The following EVC variants were observed in gnomAD, a reference collection of about 807,000 sequenced individuals.
The protein encoded by EVC is EvC ciliary complex subunit 1, also known as evC complex member EVC.
EVC carries 116 observed loss-of-function variants against 118.9 expected under a neutral mutation model. That is an observed-to-expected ratio of 0.98 (90% confidence interval 0.84 to 1.14). The LOEUF is 1.14. Among genes scored for constraint, EVC ranks in the 50% most tolerant of loss-of-function variants. EVC has a pLI of 0.00. For synonymous variants in EVC, 619 were observed against 534.7 expected (o/e 1.16, Z -2.18); for missense variants, 1,401 against 1,246.4 (o/e 1.12, Z -1.87).
At chr4:5,817,458 G>C (rs1717889845), downstream of EVC, among the ~76,000 whole-genome samples, 1 of 152,204 alleles carries the variant, frequency 6.6e-6, no homozygotes, top group Admixed American at 6.5e-5. Flanking sequence ...TCCTCCTCTT[G>C]GGAACAGACT....
Position 5,753,920 on chromosome 4 carries a change from A to T in EVC, c.1451A>T (p.Glu484Val). 3 of 1,613,278 alleles carry T rather than the reference A, an allele frequency of 1.9e-6. No individual in the cohort carries two copies. Among genetic ancestry groups the T allele is most frequent in the Non-Finnish European group, 2.5e-6 (3 of 1,180,034 alleles). ...LAEAQPTADP[E>V]KFLEAFHEVL... ...GAGGCCCAGCCGACTGCTGACCCGGAAAAGTTTCTCGAGGTGACTCACATC... is the reference window on the plus strand; with the variant it reads ...GAGGCCCAGCCGACTGCTGACCCGGTAAAGTTTCTCGAGGTGACTCACATC... The change falls in exon 10 of 21, where the codon GAA (glutamate) becomes GTA (valine). Residue 484 changes from glutamate to valine, a missense_variant. By Grantham distance (121) the Glu-to-Val change is moderately radical. Coordinates refer to ENST00000264956, the MANE Select transcript of EVC (RefSeq NM_153717.3).
At chr4:5,786,392 T>G (rs1283074748) in intron 12 of EVC, among the ~76,000 whole-genome samples, 1 of 152,210 alleles carries the variant, frequency 6.6e-6, no homozygotes, top group Non-Finnish European at 1.5e-5. Context: ...TTTTATTTGT[T>G]TACTTTGTGA....
chr4:5,823,318 A>G, the EVC span, among the ~76,000 whole-genome samples: 1 of 152,194 alleles, frequency 6.6e-6, no homozygotes, highest in East Asian at 1.9e-4. Context: ...CTGGTAGACA[A>G]TATGTCTTCT....
rs1273923547 is a variant in EVC, at chr4:5,811,200, TAA to T, written c.*165_*166del. 1 of 643,598 alleles carries T rather than the reference TAA, an allele frequency of 1.6e-6. No individual in the cohort carries two copies. The highest frequency in any genetic ancestry group is 2.8e-5 in the East Asian group (1 of 35,988). The allele number at this position is 643,598 out of a possible 1,614,324, so 39.9% of individuals were successfully genotyped here. ...AGAATAGAAATGTGCCCTAAAAGCA[TAA>T]ATGAGTATCACCTGAGAAAATTAGG... On this transcript the variant is annotated 3_prime_UTR_variant, in exon 21 of 21. Coordinates refer to ENST00000264956, the MANE Select transcript of EVC (RefSeq NM_153717.3).
At chr4:5,805,495 T>C (rs1715722046) in intron 17 of EVC, among the ~76,000 whole-genome samples, 2 of 152,122 alleles carry the variant, frequency 1.3e-5, no homozygotes, top group African/African-American at 4.8e-5. Context: ...GCCCTAACTT[T>C]CCAGGCTCCC....
the EVC span, among the ~76,000 whole-genome samples, chr4:5,820,449 A>T: frequency 6.6e-6 from 1 of 152,204 alleles, no homozygotes; most frequent in African/African-American, 2.4e-5. Flanking sequence ...GAAGTTTAGG[A>T]GATTGGAGCT....
At chr4:5,767,983 G>C (rs922420613) in intron 11 of EVC, among the ~76,000 whole-genome samples, 6 of 152,194 alleles carry the variant, frequency 3.9e-5, no homozygotes, top group African/African-American at 1.4e-4. Context: ...CAGGCATCTT[G>C]GGAGAGTTTG....
chr4:5,778,309 A>G (rs1472211415), intron 11 of EVC, among the ~76,000 whole-genome samples: 23 of 152,016 alleles, frequency 1.5e-4, no homozygotes, highest in East Asian at 5.8e-4. Context: ...ACGTGTGCAT[A>G]TGTCTTTATA....
intron 12 of EVC, among the ~76,000 whole-genome samples, chr4:5,792,070 A>T (rs1214679410): frequency 6.6e-6 from 1 of 151,802 alleles, no homozygotes; most frequent in Non-Finnish European, 1.5e-5. Context: ...TCCAAAATGC[A>T]GGTTAGACAC....
chr4:5,822,136 A>C, the EVC span, among the ~76,000 whole-genome samples: 2 of 152,146 alleles, frequency 1.3e-5, no homozygotes, highest in Admixed American at 1.3e-4. Context: ...GTGATCAAAC[A>C]CTTACTGAGT....
chr4:5,751,203 G>A (rs1431154384), intron 8 of EVC, among the ~76,000 whole-genome samples: 1 of 152,222 alleles, frequency 6.6e-6, no homozygotes, highest in Non-Finnish European at 1.5e-5. Flanking sequence ...TGTGTGGCAA[G>A]GGTCAGGTGA....
Position 5,738,950 on chromosome 4 carries a change from G to T in EVC, c.703-2766G>T, listed in dbSNP as rs73200150. On this transcript the variant is annotated intron_variant, in intron 5 of 20. Coordinates refer to ENST00000264956, the MANE Select transcript of EVC (RefSeq NM_153717.3). The surrounding 1 kb of genome is among the most constrained non-coding windows in gnomAD (Gnocchi z 6.5). ...GAAGTTATTTTTAAAATTAAGGTAT[G>T]TACTTTTTTAGACATACTGCTATTG... Among the ~76,000 whole-genome samples, 21,019 of 152,084 alleles carry T rather than the reference G, an allele frequency of 0.14. 1,961 individuals carry two copies. The highest frequency in any genetic ancestry group is 0.2 in the Non-Finnish European group (13,751 of 67,978).
At chr4:5,720,942 A>G (rs933098915) in intron 2 of EVC, among the ~76,000 whole-genome samples, 1 of 152,102 alleles carries the variant, frequency 6.6e-6, no homozygotes, top group Non-Finnish European at 1.5e-5. Context: ...TTGAGCCCCT[A>G]TTTGAATGTG....
chr4:5,811,190 C>A lies in EVC; in HGVS notation c.*153C>A. On this transcript the variant is annotated 3_prime_UTR_variant, in exon 21 of 21. Coordinates refer to ENST00000264956, the MANE Select transcript of EVC (RefSeq NM_153717.3). ...GGACAGAGAAAGAATAGAAATGTGC[C>A]CTAAAAGCATAAATGAGTATCACCT... 1 of 675,202 alleles carries A rather than the reference C, an allele frequency of 1.5e-6. No individual in the cohort carries two copies. The allele number at this position is 675,202 out of a possible 1,614,324, so 41.8% of individuals were successfully genotyped here. A position where few individuals can be genotyped will look rare whatever the true frequency, so the allele number is the denominator to read the frequency against.
the EVC span, among the ~76,000 whole-genome samples, chr4:5,819,729 A>T: frequency 6.6e-6 from 1 of 152,192 alleles, no homozygotes; most frequent in African/African-American, 2.4e-5. Flanking sequence ...TCCCTTTAAT[A>T]GTCCAAATGG....
At chr4:5,761,172 G>A (rs902470534) in intron 11 of EVC, among the ~76,000 whole-genome samples, 4 of 152,060 alleles carry the variant, frequency 2.6e-5, no homozygotes, top group African/African-American at 7.3e-5. Flanking sequence ...TTACTTTAAA[G>A]GCTGGGTGTG....
intron 11 of EVC, among the ~76,000 whole-genome samples, chr4:5,772,230 G>T (rs1488187465): frequency 6.6e-6 from 1 of 152,064 alleles, no homozygotes; most frequent in African/African-American, 2.4e-5. Context: ...AAACTACTGG[G>T]GTAAATGTGT....
At chr4:5,711,581 G>C (rs2151769055) in intron 1 of EVC, 27 bp downstream of exon 1, 1 of 1,172,052 alleles carries the variant, frequency 8.5e-7, no homozygotes, top group South Asian at 4.3e-5. Context: ...GACAGCGGCG[G>C]GGCGGGGAGC....
rs1712382491 is a variant in EVC at position 5,789,618 on chromosome 4, A to G, written c.1777-3990A>G. ...CATAATACATGAGAGTTTGAAACAA[A>G]GAGTAAAACTTACTTGAGGCCACAA... is the stretch of plus-strand genomic sequence containing the variant. On this transcript the variant is annotated intron_variant, in intron 12 of 20. Transcript: ENST00000264956. This position sits in a 1 kb window ranked among gnomAD's most constrained non-coding sequence, Gnocchi z 4.3. Among the ~76,000 whole-genome samples, 1 of 152,220 alleles carries G rather than the reference A, an allele frequency of 6.6e-6. No individual in the cohort carries two copies. The highest frequency in any genetic ancestry group is 1.5e-5 in the Non-Finnish European group (1 of 68,044).
Sources: gnomAD v4.1 joint callset for allele counts (sites outside exome capture counted in the v4.1 genomes callset) on GRCh38, gnomAD v4.1.1 for gene constraint, Gnocchi (gnomAD v3.1) non-coding constraint, MANE v1.5 for transcripts, NCBI Gene and HGNC (gene_info 2026-07-23, HGNC 2026-07-21) for gene names.